The following BMERB1 variants were observed in gnomAD, a reference collection of about 807,000 sequenced individuals.
BMERB1 encodes the protein bMERB domain containing 1.
Under a neutral mutation model 23.6 loss-of-function variants are expected in BMERB1, and 12 were observed. The observed-to-expected ratio is 0.51, with a 90% CI of 0.33 to 0.82. The LOEUF is 0.82. Among genes scored for constraint, BMERB1 ranks in the 40% least tolerant of loss-of-function variants. BMERB1 has a pLI of 0.03. For synonymous variants in BMERB1, 122 were observed against 96.6 expected (o/e 1.26, Z -1.54); for missense variants, 247 against 255.4 (o/e 0.97, Z 0.22).
intron 1 of BMERB1, among the ~76,000 whole-genome samples, chr16:15,511,290 ACTCCCTC>A (rs1049853584): frequency 2.1e-4 from 32 of 149,636 alleles, no homozygotes; most frequent in Non-Finnish European, 4.7e-4. Context: ...TCTCTTTGAC[ACTCCCTC>A]CTCTCCCTCC....
intron 1 of BMERB1, among the ~76,000 whole-genome samples, chr16:15,492,534 G>A (rs1202573848): frequency 6.6e-6 from 1 of 152,222 alleles, no homozygotes; most frequent in African/African-American, 2.4e-5. Flanking sequence ...TTACAATGGA[G>A]AAACCTGGCA....
intron 1 of BMERB1, among the ~76,000 whole-genome samples, chr16:15,470,905 C>T (rs186473127): frequency 2.3e-5 from 3 of 131,600 alleles, no homozygotes; most frequent in South Asian, 2.6e-4. Flanking sequence ...GGTGCAATCT[C>T]GGCTCACTGC....
chr16:15,452,541 C>G (rs907021795), intron 1 of BMERB1, among the ~76,000 whole-genome samples: 1 of 152,098 alleles, frequency 6.6e-6, no homozygotes, highest in Non-Finnish European at 1.5e-5. Context: ...GAGAAGATCT[C>G]TGCGTTAACC....
chr16:15,515,420 C>G lies in BMERB1; in HGVS notation c.222C>G (p.Leu74=). 1 of 1,613,684 alleles carries G rather than the reference C, an allele frequency of 6.2e-7. No homozygotes were observed. The highest frequency in any genetic ancestry group is 8.5e-7 in the Non-Finnish European group (1 of 1,179,888). ...TCTTGGTCCGCCGGGAGTCTGAGCT[C>G]AGGTTCATGTGAGTGTTTTGGGGAT... The part of the protein sequence containing the change: ...REVLVRRESE[L]RFMMDDIQLC... The change falls in exon 2 of 6, where the codon CTC becomes CTG. Residue 74 remains leucine (L), a synonymous_variant. Coordinates refer to ENST00000300006, the MANE Select transcript of BMERB1 (RefSeq NM_033201.3).
chr16:15,569,024 T>C (rs1224201497), intron 3 of BMERB1, among the ~76,000 whole-genome samples: 1 of 152,068 alleles, frequency 6.6e-6, no homozygotes, highest in African/African-American at 2.4e-5. Context: ...GAGAACAGCC[T>C]GGCAAACATG....
At position 15,449,621 on chromosome 16, in the gene BMERB1, A is replaced by G. The variant is rs973618123; in HGVS notation, c.106+14862A>G. 4.0e-5 allele frequency among the ~76,000 whole-genome samples: 6 copies of G among 151,792 alleles called. No homozygotes were observed. The East Asian group carries it at 5.8e-4, about 15-fold the overall frequency. Reference sequence around the variant, plus strand: ...AGTGCAATGGTGTGATCTCAGCTCAATGCAACCTCTGCCTCCCAGGTTCAA... The same window carrying G: ...AGTGCAATGGTGTGATCTCAGCTCAGTGCAACCTCTGCCTCCCAGGTTCAA... On this transcript the variant is annotated intron_variant, in intron 1 of 5. Transcript: ENST00000300006.
intron 1 of BMERB1, among the ~76,000 whole-genome samples, chr16:15,437,889 C>T (rs970183122): frequency 6.6e-6 from 1 of 150,380 alleles, no homozygotes; most frequent in African/African-American, 2.4e-5. Context: ...ACCTGGGAGG[C>T]GGAGCTTGCA....
chr16:15,502,602 TC>T (rs1474415933), intron 1 of BMERB1, among the ~76,000 whole-genome samples: 1 of 152,166 alleles, frequency 6.6e-6, no homozygotes, highest in Non-Finnish European at 1.5e-5. Context: ...TGAGCTTCTT[TC>T]CTACATGAAT....
intron 3 of BMERB1, among the ~76,000 whole-genome samples, chr16:15,580,869 C>T (rs1032377781): frequency 3.3e-5 from 5 of 151,122 alleles, no homozygotes; most frequent in African/African-American, 4.9e-5. Flanking sequence ...TAGTGGTCAC[C>T]CTCTCATCTG....
intron 1 of BMERB1, among the ~76,000 whole-genome samples, chr16:15,446,868 GA>G (rs2050994430): frequency 6.6e-6 from 1 of 152,180 alleles, no homozygotes; most frequent in Admixed American, 6.5e-5. Flanking sequence ...GGAAGTTGAA[GA>G]CGTTCACAAA....
intron 1 of BMERB1, among the ~76,000 whole-genome samples, chr16:15,475,830 T>C (rs1368987629): frequency 6.6e-6 from 1 of 152,142 alleles, no homozygotes; most frequent in Non-Finnish European, 1.5e-5. Flanking sequence ...CTGTCAATGA[T>C]GTGTGAAAAT....
chr16:15,444,075 A>G (rs1364783054), intron 1 of BMERB1, among the ~76,000 whole-genome samples: 1 of 141,234 alleles, frequency 7.1e-6, no homozygotes, highest in Non-Finnish European at 1.5e-5. Context: ...TGTCTGCCCC[A>G]GGCACAGAGG....
intron 2 of BMERB1, among the ~76,000 whole-genome samples, chr16:15,531,211 A>C (rs558131972): frequency 6.6e-6 from 1 of 151,242 alleles, no homozygotes; most frequent in Admixed American, 6.6e-5. Flanking sequence ...CCAGCCTTAA[A>C]CCTCTTTTCT....
At chr16:15,493,648 C>T (rs1210053500) in intron 1 of BMERB1, among the ~76,000 whole-genome samples, 2 of 152,044 alleles carry the variant, frequency 1.3e-5, no homozygotes, top group African/African-American at 4.8e-5. Flanking sequence ...GACCCGTTCA[C>T]GCCTGCACAC....
intron 1 of BMERB1, among the ~76,000 whole-genome samples, chr16:15,438,898 G>C (rs2050912406): frequency 6.6e-6 from 1 of 152,168 alleles, no homozygotes; most frequent in Non-Finnish European, 1.5e-5. Context: ...GTGAAAATTA[G>C]TACTTTTGTT....
At chr16:15,535,697 C>T (rs928987953) in intron 2 of BMERB1, among the ~76,000 whole-genome samples, 10 of 150,402 alleles carry the variant, frequency 6.6e-5, no homozygotes, top group African/African-American at 1.2e-4. Flanking sequence ...TTAGCTATAC[C>T]GAGAACTTTA....
chr16:15,456,656 A>G (rs1331070114), intron 1 of BMERB1, among the ~76,000 whole-genome samples: 2 of 151,448 alleles, frequency 1.3e-5, no homozygotes, highest in Non-Finnish European at 2.9e-5. Context: ...AATTTGGCCT[A>G]TGTCTTCCTT....
At chr16:15,471,163 A>G (rs1048070074) in intron 1 of BMERB1, among the ~76,000 whole-genome samples, 4 of 152,040 alleles carry the variant, frequency 2.6e-5, no homozygotes, top group Admixed American at 2.6e-4. Context: ...ATTTTCCACA[A>G]AAGATTGTGT....
chr16:15,438,700 T>G (rs2050910084), intron 1 of BMERB1, among the ~76,000 whole-genome samples: 1 of 152,230 alleles, frequency 6.6e-6, no homozygotes, highest in South Asian at 2.1e-4. Context: ...CCTCAAGTGA[T>G]CTGCCCTCCT....
Sources: allele counts gnomAD v4.1 joint callset (sites outside exome capture counted in the v4.1 genomes callset), GRCh38; gene constraint gnomAD v4.1.1; transcripts MANE v1.5; gene names NCBI Gene and HGNC (gene_info 2026-07-23, HGNC 2026-07-21).